Variants in MSH6 observed in about 807,000 individuals in gnomAD.
MSH6 encodes the protein DNA mismatch repair protein Msh6.
A neutral mutation model predicts 119.1 loss-of-function variants in MSH6; 85 were observed. The ratio of observed to expected loss-of-function variants is 0.71; its 90% CI spans 0.60 to 0.85. MSH6 has a LOEUF of 0.85. Ranked by LOEUF, MSH6 falls within the 40% of genes least tolerant of loss-of-function variation. The pLI is 0.00. For synonymous variants in MSH6, 830 were observed against 586.9 expected (o/e 1.41, Z -5.99); for missense variants, 2,163 against 1,655.3 (o/e 1.31, Z -5.32).
chr2:47,805,582 A>C, intron 6 of MSH6, 36 bp from the exon 7 acceptor site: 1 of 1,392,488 alleles, frequency 7.2e-7, no homozygotes, highest in Non-Finnish European at 1.0e-6. Flanking sequence ...ATGATTTGCA[A>C]AATGAGTATT....
chr2:47,794,563 C>T (rs1668952232), intron 2 of MSH6, among the ~76,000 whole-genome samples: 1 of 151,868 alleles, frequency 6.6e-6, no homozygotes, highest in Non-Finnish European at 1.5e-5. Flanking sequence ...TGAGCCACCA[C>T]GCCCAGCCCT....
intron 1 of MSH6, among the ~76,000 whole-genome samples, chr2:47,785,776 C>G (rs752792155): frequency 6.6e-6 from 1 of 152,146 alleles, no homozygotes; most frequent in Non-Finnish European, 1.5e-5. Context: ...ATTGTTGAAT[C>G]CAAACCAAAC....
downstream of MSH6, chr2:47,809,312 AT>A: frequency 7.8e-7 from 1 of 1,289,182 alleles, no homozygotes; most frequent in Non-Finnish European, 1.1e-6. Flanking sequence ...GAATGTTAAT[AT>A]TTTAAAAACC....
downstream of MSH6, chr2:47,808,013 TAC>T (rs1443651687): frequency 7.7e-6 from 8 of 1,038,278 alleles, no homozygotes; most frequent in East Asian, 4.8e-5. Context: ...CCATTTTTAA[TAC>T]AGTCTCTTCC....
intron 1 of MSH6, among the ~76,000 whole-genome samples, chr2:47,787,768 C>T (rs929809213): frequency 2.0e-5 from 3 of 152,026 alleles, no homozygotes; most frequent in Admixed American, 6.6e-5. Flanking sequence ...AAGTGCACAC[C>T]ACCCCATGCC....
downstream of MSH6, chr2:47,809,264 T>A (rs1274065101): frequency 6.5e-7 from 1 of 1,541,990 alleles, no homozygotes. Context: ...ATTATTTTGT[T>A]ATCTGTAATA....
chr2:47,808,269 A>ATAT, downstream of MSH6: 1 of 1,612,774 alleles, frequency 6.2e-7, no homozygotes, highest in Non-Finnish European at 8.5e-7. Context: ...TGAAACCCAA[A>ATAT]TATTAGAAAA....
chr2:47,791,855 T>A (rs10210340), intron 2 of MSH6, among the ~76,000 whole-genome samples: 28,778 of 150,014 alleles, frequency 0.19, 3,001 homozygotes, highest in African/African-American at 0.25. Context: ...ATATATATAT[T>A]TTTTTTTTGA....
chr2:47,787,851 T>C (rs186479764), intron 1 of MSH6, among the ~76,000 whole-genome samples: 1 of 152,212 alleles, frequency 6.6e-6, no homozygotes, highest in African/African-American at 2.4e-5. Flanking sequence ...ATTCCTGGGC[T>C]CTTAAGAGAT....
rs775693145 is a variant in MSH6 at position 47,798,802 on chromosome 2, A to G, written c.819A>G (p.Gly273=). 6.2e-7 allele frequency: 1 copy of G among 1,614,190 alleles called. No homozygotes were observed. Among genetic ancestry groups the G allele is most frequent in the Non-Finnish European group, 8.5e-7 (1 of 1,180,032 alleles). Residue 273 remains glycine, a synonymous_variant, in exon 4 of 10, where the codon GGA becomes GGG. Coordinates refer to ENST00000234420, the MANE Select transcript of MSH6 (RefSeq NM_000179.3). ...TTAAGCCAGACACTAAGGAGGAAGG[A>G]AGCAGTGATGAAATAAGCAGTGGAG... ...VEFKPDTKEE[G]SSDEISSGVG... is the part of the protein sequence containing the mutation.
chr2:47,804,373 A>T (rs1384947525), intron 5 of MSH6, among the ~76,000 whole-genome samples: 2 of 152,146 alleles, frequency 1.3e-5, no homozygotes, highest in African/African-American at 2.4e-5. Flanking sequence ...ATATTTTTAA[A>T]AGGTTGTAAG....
chr2:47,786,169 G>C (rs1572702084), intron 1 of MSH6, among the ~76,000 whole-genome samples: 1 of 152,296 alleles, frequency 6.6e-6, no homozygotes, highest in East Asian at 1.9e-4. Context: ...GTGAGAGTGG[G>C]AAGCTGGTTC....
At chr2:47,787,203 C>A (rs191312479) in intron 1 of MSH6, among the ~76,000 whole-genome samples, 1 of 152,062 alleles carries the variant, frequency 6.6e-6, no homozygotes, top group Non-Finnish European at 1.5e-5. Flanking sequence ...ATGGGAGGAT[C>A]GCTTGAGTCC....
intron 6 of MSH6, among the ~76,000 whole-genome samples, 188 bp from the exon 7 acceptor site, chr2:47,805,430 G>T (rs956714650): frequency 6.6e-6 from 1 of 151,922 alleles, no homozygotes; most frequent in African/African-American, 2.4e-5. Context: ...TGCTTGCCTC[G>T]GCCTCCCAAA....
intron 4 of MSH6, 78 bp downstream of exon 4, chr2:47,801,233 AGTAATAAG>A: frequency 6.9e-7 from 1 of 1,451,340 alleles, no homozygotes. Context: ...CCTAAAAATA[AGTAATAAG>A]GTATATATGG....
chr2:47,809,557 G>C (rs781350474), downstream of MSH6: 1 of 1,351,720 alleles, frequency 7.4e-7, no homozygotes, highest in East Asian at 2.3e-5. Context: ...TATCTTTCAT[G>C]GCATATTGCA....
At chr2:47,790,477 A>G (rs1558651514) in intron 1 of MSH6, among the ~76,000 whole-genome samples, 1 of 152,220 alleles carries the variant, frequency 6.6e-6, no homozygotes, top group East Asian at 1.9e-4. Context: ...AAGCAAGTCT[A>G]ATGAATTAGA....
Position 47,800,156 on chromosome 2 carries a change from A to G in MSH6, c.2173A>G (p.Ile725Val), listed in dbSNP as rs148898662. Residue 725 changes from isoleucine to valine, a missense_variant, in exon 4 of 10, where the codon ATC becomes GTC. Ile to Val is a conservative substitution (Grantham distance 29). Coordinates refer to ENST00000234420, the MANE Select transcript of MSH6 (RefSeq NM_000179.3). ...DTVSTTRSGA[I>V]FTKAYQRMVL... ...AGTCAGCACTACAAGATCTGGTGCT[A>G]TCTTCACCAAAGCCTATCAACGAAT... 8.1e-5 allele frequency: 131 copies of G among 1,614,098 alleles called. No individual in the cohort carries two copies. The highest frequency in any genetic ancestry group is 3.7e-4 in the South Asian group (34 of 91,092).
At position 47,801,559 on chromosome 2, in the gene MSH6, G is replaced by A. The variant is rs3136340; in HGVS notation, c.3172+404G>A. Among the ~76,000 whole-genome samples, 775 of 151,814 alleles carry A rather than the reference G, an allele frequency of 5.1e-3. 1 individual carries two copies. Among genetic ancestry groups the A allele is most frequent in the African/African-American group, 0.017 (723 of 41,382 alleles). On this transcript the variant is annotated intron_variant, in intron 4 of 9. Transcript: ENST00000234420. ...ATATTTAAATGTTTGTAGAGAGATG[G>A]GGTCTCACTGTGTTGCCAGGACTGG...
Sources: allele counts gnomAD v4.1 joint callset (sites outside exome capture counted in the v4.1 genomes callset), GRCh38; gene constraint gnomAD v4.1.1; transcripts MANE v1.5; gene names NCBI Gene and HGNC (gene_info 2026-07-23, HGNC 2026-07-21).